The following RTN4 variants were observed in gnomAD, a reference collection of about 807,000 sequenced individuals.
RTN4 encodes the protein reticulon-4.
A neutral mutation model predicts 90.4 loss-of-function variants in RTN4; 32 were observed. That is an observed-to-expected ratio of 0.35 (90% CI 0.27 to 0.48). The LOEUF is 0.48. Ranked by LOEUF, RTN4 falls within the 20% of genes least tolerant of loss-of-function variation. The pLI is 0.99. For missense variants in RTN4, 1,706 were observed against 1,430.2 expected (o/e 1.19, Z -3.11); for synonymous variants, 629 against 552.5 (o/e 1.14, Z -1.94).
At chr2:54,973,689 A>T in intron 7 of RTN4, 68 bp from the exon 8 acceptor site, 2 of 1,503,152 alleles carry the variant, frequency 1.3e-6, no homozygotes, top group South Asian at 2.3e-5. Context: ...CTATGTGTCA[A>T]GCTAAAGGCT....
At chr2:55,059,458 A>G (rs1199701403) in intron 2 of RTN4, among the ~76,000 whole-genome samples, 1 of 152,076 alleles carries the variant, frequency 6.6e-6, no homozygotes, top group Non-Finnish European at 1.5e-5. Context: ...GGCTCAAGCC[A>G]TCCTCCCACC....
chr2:54,984,024 A>G (rs1678353637), intron 4 of RTN4, among the ~76,000 whole-genome samples: 1 of 152,166 alleles, frequency 6.6e-6, no homozygotes, highest in Admixed American at 6.5e-5. Context: ...TCATTCACTA[A>G]GTATTTTTTA....
chr2:55,023,935 A>G lies in RTN4; in HGVS notation c.3013+1151T>C, dbSNP rs538023230. On this transcript the variant is annotated intron_variant, in intron 3 of 8. Transcript: ENST00000337526. ...AGTCCTCTTCTCTTGATTCTTCCTA[A>G]TTGGTATCTGGGGCTTTAATTTCTA... 1.8e-4 allele frequency among the ~76,000 whole-genome samples: 27 copies of G among 152,098 alleles called. No homozygotes were observed. The South Asian group carries it at 5.6e-3, about 32-fold the overall frequency.
intron 3 of RTN4, among the ~76,000 whole-genome samples, chr2:55,022,346 T>C (rs11677750): frequency 0.039 from 5,934 of 152,218 alleles, 169 homozygotes; most frequent in African/African-American, 0.072. Flanking sequence ...GAAACCCCCA[T>C]TCCACTGTGA....
intron 1 of RTN4, among the ~76,000 whole-genome samples, chr2:55,048,301 TACAG>T (rs1667884905): frequency 6.6e-6 from 1 of 152,344 alleles, no homozygotes; most frequent in South Asian, 2.1e-4. Flanking sequence ...CTGTACAACT[TACAG>T]ACACTCTACG....
upstream of RTN4, among the ~76,000 whole-genome samples, chr2:55,054,085 G>T (rs755940894): frequency 6.6e-6 from 1 of 152,054 alleles, no homozygotes; most frequent in East Asian, 1.9e-4. Context: ...AATTACACTT[G>T]TACCCATAAA....
upstream of RTN4, among the ~76,000 whole-genome samples, chr2:55,116,807 T>A (rs994809058): frequency 6.6e-6 from 1 of 152,094 alleles, no homozygotes; most frequent in East Asian, 1.9e-4. Context: ...AACTTAGATG[T>A]CTCATCTCTT....
chr2:55,061,322 C>A (rs938190277), intron 2 of RTN4, among the ~76,000 whole-genome samples: 2 of 152,128 alleles, frequency 1.3e-5, no homozygotes, highest in Non-Finnish European at 1.5e-5. Flanking sequence ...CCATGGCCTC[C>A]CAAAGTGCTG....
intron 3 of RTN4, among the ~76,000 whole-genome samples, chr2:55,007,808 C>G (rs1315181410): frequency 1.3e-5 from 2 of 152,170 alleles, no homozygotes; most frequent in East Asian, 3.9e-4. Flanking sequence ...TCCTTGACCA[C>G]ACCAATCTTA....
At chr2:55,127,059 A>C in the RTN4 span, among the ~76,000 whole-genome samples, 1 of 152,232 alleles carries the variant, frequency 6.6e-6, no homozygotes, top group African/African-American at 2.4e-5. Context: ...ACTATTGGGT[A>C]CTGGGCTTAA....
intron 1 of RTN4, among the ~76,000 whole-genome samples, chr2:55,098,365 T>A (rs1161949347): frequency 6.6e-6 from 1 of 152,100 alleles, no homozygotes; most frequent in African/African-American, 2.4e-5. Context: ...ACTTAATTTT[T>A]AAAAACATTT....
At chr2:55,035,343 A>G (rs981068722) in intron 1 of RTN4, among the ~76,000 whole-genome samples, 15 of 152,194 alleles carry the variant, frequency 9.9e-5, no homozygotes, top group Non-Finnish European at 1.8e-4. Context: ...TAAATCACCT[A>G]AAATATCCTC....
At chr2:54,989,937 T>C (rs1678870205) in intron 3 of RTN4, among the ~76,000 whole-genome samples, 2 of 152,102 alleles carry the variant, frequency 1.3e-5, no homozygotes, top group Non-Finnish European at 2.9e-5. Context: ...CGGGGAGTGA[T>C]GATAAAGACA....
intron 3 of RTN4, among the ~76,000 whole-genome samples, chr2:54,998,061 G>A (rs138839256): frequency 6.6e-6 from 1 of 152,128 alleles, no homozygotes; most frequent in East Asian, 1.9e-4. Flanking sequence ...GAAAACATAT[G>A]CTAAGTGAAA....
intron 1 of RTN4, among the ~76,000 whole-genome samples, chr2:55,081,862 C>CAAAAAAA (rs71410421): frequency 2.8e-5 from 3 of 105,398 alleles, no homozygotes; most frequent in Non-Finnish European, 5.5e-5. Flanking sequence ...GACCCTGTCT[C>CAAAAAAA]AAAAAAAAAA....
At chr2:55,004,378 G>A (rs964648604) in intron 3 of RTN4, among the ~76,000 whole-genome samples, 16 of 152,118 alleles carry the variant, frequency 1.1e-4, no homozygotes, top group Non-Finnish European at 1.5e-5. Context: ...ATGCCACCAT[G>A]GACCTGTGGC....
At chr2:55,135,284 G>A in the RTN4 span, among the ~76,000 whole-genome samples, 4 of 148,708 alleles carry the variant, frequency 2.7e-5, no homozygotes, top group Non-Finnish European at 5.9e-5. Context: ...CTTGACTCAC[G>A]GCAACCTCCG....
At chr2:55,124,126 G>C in the RTN4 span, among the ~76,000 whole-genome samples, 3 of 152,220 alleles carry the variant, frequency 2.0e-5, no homozygotes, top group Non-Finnish European at 4.4e-5. Context: ...AGTTTGAGCT[G>C]AGAGAATCAC....
In RTN4 at chr2:55,066,211, G is replaced by A. The variant is rs796751699; in HGVS notation, c.-63+14278C>T. On this transcript the variant is annotated intron_variant, in intron 2 of 3. Transcript: ENST00000427710. The stretch of plus-strand genomic sequence containing the variant: ...TGTGTGTTTGTGTGTGTGTGTGTGT[G>A]TGTGTGTGTGTATGTTTTAATAGCT... 3.6e-3 allele frequency among the ~76,000 whole-genome samples: 542 copies of A among 151,710 alleles called. 1 individual carries two copies. The Middle Eastern group carries it at 0.041, about 11-fold the overall frequency.
Sources: gnomAD v4.1 joint callset for allele counts (sites outside exome capture counted in the v4.1 genomes callset) on GRCh38, gnomAD v4.1.1 for gene constraint, MANE v1.5 for transcripts, NCBI Gene and HGNC (gene_info 2026-07-23, HGNC 2026-07-21) for gene names.